C9orf153: variants seen among roughly 807,000 people sequenced by gnomAD.
The protein encoded by C9orf153 is uncharacterized protein C9orf153.
In C9orf153, 10 loss-of-function variants were observed where a neutral mutation model predicts 9.0. The observed-to-expected ratio is 1.11, with a 90% CI of 0.69 to 1.89. C9orf153 has a LOEUF of 1.89. C9orf153 is among the 40% of genes most tolerant of loss of function. C9orf153 has a pLI of 0.00. For synonymous variants in C9orf153, 35 were observed against 37.3 expected, an observed-to-expected ratio of 0.94 and a Z score of 0.23; for missense variants, 108 against 111.0, an observed-to-expected ratio of 0.97 and a Z score of 0.12.
At chr9:86,233,076 C>T (rs1223093568) in intron 1 of C9orf153, among the ~76,000 whole-genome samples, 1 of 152,108 alleles carries the variant, frequency 6.6e-6, no homozygotes, top group Non-Finnish European at 1.5e-5. Flanking sequence ...AGTTATCCTC[C>T]CTTCCCTTCC....
chr9:86,240,463 G>A (rs1268486416), intron 1 of C9orf153, among the ~76,000 whole-genome samples: 1 of 146,426 alleles, frequency 6.8e-6, no homozygotes, highest in Non-Finnish European at 1.5e-5. Context: ...TGTAACCTCT[G>A]CCCTCCTGGG....
chr9:86,222,283 G>A (rs1824221010), intron 3 of C9orf153, among the ~76,000 whole-genome samples: 1 of 152,126 alleles, frequency 6.6e-6, no homozygotes, highest in Non-Finnish European at 1.5e-5. Context: ...AACTGGGCTT[G>A]AGTGGACCCT....
At chr9:86,221,926 C>T (rs1443079611) in intron 3 of C9orf153, among the ~76,000 whole-genome samples, 193 bp from the exon 4 acceptor site, 2 of 152,042 alleles carry the variant, frequency 1.3e-5, no homozygotes, top group African/African-American at 4.8e-5. Flanking sequence ...GCTCTTGTTG[C>T]CCAGGCTGGA....
At chr9:86,251,853 A>G (rs1159989404) in intron 1 of C9orf153, among the ~76,000 whole-genome samples, 1 of 151,060 alleles carries the variant, frequency 6.6e-6, no homozygotes, top group Non-Finnish European at 1.5e-5. Flanking sequence ...TCTTTTAAAC[A>G]AGATTTCCAG....
chr9:86,250,982 C>G (rs545302538), intron 1 of C9orf153, among the ~76,000 whole-genome samples: 13 of 152,310 alleles, frequency 8.5e-5, no homozygotes, highest in Middle Eastern at 3.4e-3. Context: ...CAGCCTCAAA[C>G]TCCTGGGCTC....
chr9:86,230,676 T>C (rs1824450351), intron 1 of C9orf153, among the ~76,000 whole-genome samples: 1 of 152,240 alleles, frequency 6.6e-6, no homozygotes, highest in Admixed American at 6.5e-5. Flanking sequence ...CCCACCTCCT[T>C]ACACTCAAAA....
intron 3 of C9orf153, among the ~76,000 whole-genome samples, chr9:86,225,712 T>TG (rs751053864): frequency 1.3e-4 from 20 of 152,314 alleles, no homozygotes; most frequent in Non-Finnish European, 2.6e-4. Flanking sequence ...CTTGAACTCC[T>TG]GACCTCAGGT....
In C9orf153 at chr9:86,221,550, T is replaced by C. The variant is rs1409268111; in HGVS notation, c.*138A>G. ...TTCATTTTGATAATCAATTTGAGGA[T>C]AAATGACCAAAGACTTGCGAACTAT... is the stretch of plus-strand genomic sequence containing the variant. On this transcript the variant is annotated 3_prime_UTR_variant, in exon 4 of 4. Coordinates refer to ENST00000339137, the MANE Select transcript of C9orf153 (RefSeq NM_001276366.4). The C allele has an allele frequency of 5.9e-6, 8 of 1,348,812 alleles. No homozygotes were observed. Among genetic ancestry groups the C allele is most frequent in the Non-Finnish European group, 7.6e-6 (8 of 1,048,106 alleles). The allele number at this position is 1,348,812 out of a possible 1,614,324, so 83.6% of individuals were successfully genotyped here. A position where few individuals can be genotyped will look rare whatever the true frequency, so the allele number is the denominator to read the frequency against.
chr9:86,242,619 G>A (rs143852684), intron 1 of C9orf153, among the ~76,000 whole-genome samples: 4 of 152,222 alleles, frequency 2.6e-5, no homozygotes, highest in African/African-American at 4.8e-5. Flanking sequence ...AAGAAAATAC[G>A]TTTGTCTGTC....
intron 3 of C9orf153, among the ~76,000 whole-genome samples, chr9:86,226,808 A>G (rs1824347798): frequency 6.6e-6 from 1 of 152,086 alleles, no homozygotes; most frequent in Admixed American, 6.5e-5. Flanking sequence ...CTCGTGGCCC[A>G]GGCTTGAGCA....
intron 1 of C9orf153, among the ~76,000 whole-genome samples, chr9:86,243,998 G>A (rs1349602720): frequency 6.6e-6 from 1 of 152,192 alleles, no homozygotes; most frequent in Admixed American, 6.5e-5. Context: ...GAGTTTAATT[G>A]CTTTCAAGTG....
At chr9:86,253,534 A>C (rs1208491607) in intron 1 of C9orf153, among the ~76,000 whole-genome samples, 1 of 152,238 alleles carries the variant, frequency 6.6e-6, no homozygotes, top group Non-Finnish European at 1.5e-5. Context: ...AAAAAGCCCC[A>C]GAAAAGCCAA....
chr9:86,235,171 T>C (rs1824553599), intron 1 of C9orf153, among the ~76,000 whole-genome samples: 1 of 152,118 alleles, frequency 6.6e-6, no homozygotes, highest in Non-Finnish European at 1.5e-5. Context: ...GCATCAGAAC[T>C]AGATTCAGAT....
chr9:86,248,230 T>A (rs1312548823), intron 1 of C9orf153, among the ~76,000 whole-genome samples: 1 of 151,912 alleles, frequency 6.6e-6, no homozygotes, highest in Non-Finnish European at 1.5e-5. Context: ...ACCTCTTGGG[T>A]TCAAGCGATT....
rs750447605 is a variant in C9orf153 at position 86,227,956 on chromosome 9, A to G, written c.141T>C (p.Gly47=). 5 of 1,613,764 alleles carry G rather than the reference A, an allele frequency of 3.1e-6. No homozygotes were observed. Among genetic ancestry groups the G allele is most frequent in the Non-Finnish European group, 4.2e-6 (5 of 1,179,768 alleles). ...SKKSNLLKMH[G]ISLNEAQEVL... ...CTTCCTGTGCTTCGTTAAGTGAAAT[A>G]CCATGCATTTTTAGAAGATTTGATT... The change falls in exon 3 of 4, where the codon GGT becomes GGC. Residue 47 remains glycine (G), a synonymous_variant. Coordinates refer to ENST00000339137, the MANE Select transcript of C9orf153 (RefSeq NM_001276366.4).
chr9:86,223,538 C>T (rs923295601), intron 3 of C9orf153, among the ~76,000 whole-genome samples: 46 of 152,272 alleles, frequency 3.0e-4, no homozygotes, highest in African/African-American at 1.0e-3. Context: ...TTACTCCACA[C>T]GCATTGCAAT....
intron 1 of C9orf153, among the ~76,000 whole-genome samples, chr9:86,258,799 C>T (rs1825182833): frequency 1.3e-5 from 2 of 151,906 alleles, no homozygotes; most frequent in South Asian, 4.1e-4. Context: ...GTACAATGTT[C>T]CCACAACCCC....
At position 86,227,931 on chromosome 9, in the gene C9orf153, C is replaced by T; in HGVS notation, c.166G>A (p.Val56Ile). The T allele has an allele frequency of 1.9e-6, 3 of 1,613,894 alleles. No homozygotes were observed. The South Asian group carries it at 3.3e-5, about 18-fold the overall frequency. ...HGISLNEAQE[V>I]LARNLNVMSF... ...ATGACATTCAGGTTTCTAGCAAGTACTTCCTGTGCTTCGTTAAGTGAAATA... is the reference window on the plus strand; with the variant it reads ...ATGACATTCAGGTTTCTAGCAAGTATTTCCTGTGCTTCGTTAAGTGAAATA... Residue 56 changes from valine (V) to isoleucine (I), a missense_variant, in exon 3 of 4, where the codon GTA becomes ATA. Val to Ile is a conservative substitution (Grantham distance 29). Coordinates refer to ENST00000339137, the MANE Select transcript of C9orf153 (RefSeq NM_001276366.4).
intron 1 of C9orf153, among the ~76,000 whole-genome samples, chr9:86,239,238 C>T (rs912930180): frequency 1.3e-5 from 2 of 149,132 alleles, no homozygotes; most frequent in Admixed American, 6.7e-5. Flanking sequence ...TCCAGCCTGG[C>T]GACAGAGTGA....
Sources: allele counts gnomAD v4.1 joint callset (sites outside exome capture counted in the v4.1 genomes callset), GRCh38; gene constraint gnomAD v4.1.1; transcripts MANE v1.5; gene names NCBI Gene and HGNC (gene_info 2026-07-23, HGNC 2026-07-21).